The following CSMD1 variants were observed in gnomAD, a reference collection of about 807,000 sequenced individuals.
CSMD1 encodes the protein CUB and sushi domain-containing protein 1.
CSMD1 carries 213 observed loss-of-function variants against 417.5 expected under a neutral mutation model. The ratio of observed to expected loss-of-function variants is 0.51; its 90% confidence interval spans 0.46 to 0.57. The LOEUF (loss-of-function observed/expected upper bound fraction) is 0.57, where lower values mean the gene tolerates loss of function less well. Ranked by LOEUF, CSMD1 falls within the 20% of genes least tolerant of loss-of-function variation. The pLI, the probability that CSMD1 is intolerant of heterozygous loss-of-function variation, is 0.00. For missense variants in CSMD1, 6,923 were observed against 4,529.7 expected, an observed-to-expected ratio of 1.53 and a Z score of -15.17; for synonymous variants, 2,862 against 1,736.8, an observed-to-expected ratio of 1.65 and a Z score of -16.11.
intron 12 of CSMD1, among the ~76,000 whole-genome samples, chr8:3,430,799 T>C (rs768939526): frequency 2.0e-5 from 3 of 152,086 alleles, no homozygotes; most frequent in African/African-American, 4.8e-5. Flanking sequence ...AGAACGAGAC[T>C]CCATTTCAAC....
chr8:4,316,001 T>A (rs947183170), intron 3 of CSMD1, among the ~76,000 whole-genome samples: 1 of 152,180 alleles, frequency 6.6e-6, no homozygotes, highest in Non-Finnish European at 1.5e-5. Context: ...CTTTTTTCTT[T>A]CCTTTAAATA....
intron 5 of CSMD1, among the ~76,000 whole-genome samples, chr8:3,972,072 T>C (rs968678078): frequency 2.0e-5 from 3 of 152,130 alleles, no homozygotes; most frequent in African/African-American, 4.8e-5. Context: ...GGGCTCTGTA[T>C]GTTGCCCAGG....
intron 3 of CSMD1, among the ~76,000 whole-genome samples, chr8:4,077,460 C>T (rs2247851): frequency 0.73 from 110,467 of 151,406 alleles, 40,953 homozygotes; most frequent in South Asian, 0.82. Context: ...CATATCATTA[C>T]TCTTAAATGT....
chr8:3,875,599 G>T (rs183109216), intron 5 of CSMD1, among the ~76,000 whole-genome samples: 1 of 152,172 alleles, frequency 6.6e-6, no homozygotes, highest in Non-Finnish European at 1.5e-5. Flanking sequence ...CCCATTGTGA[G>T]AGGAGGAAGA....
At chr8:4,017,983 T>A (rs1361724314) in intron 4 of CSMD1, among the ~76,000 whole-genome samples, 2 of 152,146 alleles carry the variant, frequency 1.3e-5, no homozygotes, top group Non-Finnish European at 2.9e-5. Flanking sequence ...ACATGTTGCA[T>A]TTTGATTAAT....
At chr8:3,139,629 A>G (rs552110532) in intron 41 of CSMD1, among the ~76,000 whole-genome samples, 1 of 152,304 alleles carries the variant, frequency 6.6e-6, no homozygotes, top group East Asian at 1.9e-4. Context: ...TTCTGGAACT[A>G]TGTTTTAGAA....
At position 3,107,722 on chromosome 8, in the gene CSMD1, T is replaced by C. The variant is rs3824271; in HGVS notation, c.6831A>G (p.Glu2277=). ...AEMLTEDDDF[E]IGDFVKYQCH... ...TTGTAATGAAGAAAGTATTACCTAT[T>C]TCGAAATCATCATCCTCAGTAAGCA... Residue 2277 remains glutamate (E), a synonymous_variant, in exon 45 of 70, where the codon GAA becomes GAG. Transcript: ENST00000635120. 0.81 allele frequency: 1,270,926 copies of C among 1,571,648 alleles called. 515,900 individuals carry two copies. Among genetic ancestry groups the C allele is most frequent in the East Asian group, 0.97 (41,246 of 42,712 alleles).
intron 4 of CSMD1, among the ~76,000 whole-genome samples, chr8:4,008,802 G>A (rs1180731471): frequency 1.3e-5 from 2 of 151,388 alleles, no homozygotes; most frequent in Admixed American, 6.6e-5. Flanking sequence ...GGTAGAGACG[G>A]GATTTCAATG....
intron 25 of CSMD1, among the ~76,000 whole-genome samples, chr8:3,302,562 T>C (rs4875573): frequency 2.0e-5 from 3 of 152,156 alleles, no homozygotes; most frequent in Non-Finnish European, 2.9e-5. Context: ...TTCCCGTTTT[T>C]TAAGACATCA....
At chr8:4,711,178 C>G (rs975806550) in intron 1 of CSMD1, among the ~76,000 whole-genome samples, 1 of 150,620 alleles carries the variant, frequency 6.6e-6, no homozygotes, top group African/African-American at 2.4e-5. Context: ...AAACCATGAT[C>G]CTTTTATTAC....
intron 8 of CSMD1, among the ~76,000 whole-genome samples, chr8:3,597,536 C>T (rs1490138756): frequency 2.6e-5 from 4 of 152,074 alleles, no homozygotes; most frequent in Admixed American, 2.6e-4. Flanking sequence ...TTTTTCTCAC[C>T]ACAATGCAAG....
rs1387953736 is a variant in CSMD1, at chr8:4,116,212, C to T, written c.416-84113G>A. Among the ~76,000 whole-genome samples, 3 of 151,870 alleles carry T rather than the reference C, an allele frequency of 2.0e-5. No individual in the cohort carries two copies. The East Asian group carries it at 5.8e-4, about 30-fold the overall frequency. On this transcript the variant is annotated intron_variant, in intron 3 of 69. Coordinates refer to ENST00000635120, the MANE Select transcript of CSMD1 (RefSeq NM_033225.6). ...TTTCCCCATGTTGGCCAGGCTGGTC[C>T]TGAACTCCTGACCTCAGGTGATCCA...
At chr8:2,965,741 A>T in intron 59 of CSMD1, 34 bp downstream of exon 59, 6 of 1,556,828 alleles carry the variant, frequency 3.9e-6, no homozygotes, top group Non-Finnish European at 5.2e-6. Context: ...ACTTCTATAC[A>T]CATCTGTAAA....
intron 12 of CSMD1, among the ~76,000 whole-genome samples, chr8:3,442,776 TTGC>T (rs1194544547): frequency 2.6e-5 from 4 of 152,212 alleles, no homozygotes; most frequent in Non-Finnish European, 5.9e-5. Context: ...TGAATTCTAT[TTGC>T]TACCATTAAG....
At chr8:3,985,778 T>C (rs73180029) in intron 5 of CSMD1, among the ~76,000 whole-genome samples, 41,210 of 149,006 alleles carry the variant, frequency 0.28, 5,686 homozygotes, top group East Asian at 0.39. Context: ...TTTTTTGAGA[T>C]GGAGTCTCAC....
chr8:3,151,510 G>T lies in CSMD1; in HGVS notation c.5918C>A (p.Thr1973Asn). 6.2e-7 allele frequency: 1 copy of T among 1,609,070 alleles called. No homozygotes were observed. Among genetic ancestry groups the T allele is most frequent in the Non-Finnish European group, 8.5e-7 (1 of 1,176,736 alleles). ...WNYPSPLCIA[T>N]CGGTLSTLGG... The stretch of plus-strand genomic sequence containing the variant: ...CAAGGTGCTCAGCGTCCCTCCACAG[G>T]TTGCTGTTAAGTGGACAAGATGTCA... Residue 1973 changes from threonine (T) to asparagine (N), a missense_variant, in exon 40 of 70, where the codon ACC (threonine) becomes AAC (asparagine). Physicochemically the swap from Thr to Asn is moderately conservative, Grantham distance 65. Transcript: ENST00000635120.
intron 5 of CSMD1, among the ~76,000 whole-genome samples, chr8:3,765,632 A>T (rs1051231714): frequency 3.3e-5 from 5 of 152,212 alleles, no homozygotes; most frequent in African/African-American, 1.2e-4. Flanking sequence ...AAGAGAAGTG[A>T]ACCCTAAGAT....
intron 3 of CSMD1, among the ~76,000 whole-genome samples, chr8:4,348,687 T>C (rs540709912): frequency 3.3e-5 from 5 of 151,762 alleles, no homozygotes; most frequent in African/African-American, 9.7e-5. Context: ...TGCGTACATA[T>C]CCGCTTAAGT....
chr8:4,130,809 T>A, intron 3 of CSMD1, among the ~76,000 whole-genome samples: 2 of 151,838 alleles, frequency 1.3e-5, no homozygotes, highest in Middle Eastern at 6.9e-3. Flanking sequence ...AATTATATAT[T>A]TGTATATATA....
Sources: allele counts gnomAD v4.1 joint callset (sites outside exome capture counted in the v4.1 genomes callset), GRCh38; gene constraint gnomAD v4.1.1; transcripts MANE v1.5; gene names NCBI Gene and HGNC (gene_info 2026-07-23, HGNC 2026-07-21).